The following WDFY3 variants were observed in gnomAD, a reference collection of about 807,000 sequenced individuals.
WDFY3 encodes the protein WD repeat and FYVE domain-containing protein 3.
WDFY3 carries 66 observed loss-of-function variants against 409.6 expected under a neutral mutation model. The observed-to-expected ratio is 0.16, with a 90% CI of 0.13 to 0.20. The LOEUF is 0.20. Among genes scored for constraint, WDFY3 ranks in the 10% least tolerant of loss-of-function variants. The probability of loss-of-function intolerance (pLI) is 1.00; values close to 1 mark genes in which losing one functional copy is unlikely to be tolerated. For missense variants in WDFY3, 3,031 were observed against 4,298.1 expected (o/e 0.71, Z 8.24); for synonymous variants, 1,521 against 1,537.1 (o/e 0.99, Z 0.25).
At chr4:84,681,725 C>A (rs768281138) in intron 64 of WDFY3, among the ~76,000 whole-genome samples, 1 of 151,668 alleles carries the variant, frequency 6.6e-6, no homozygotes, top group Non-Finnish European at 1.5e-5. Context: ...TTCCACTGTT[C>A]TACATCAAAG....
chr4:84,824,345 C>T (rs1754536345), intron 10 of WDFY3, among the ~76,000 whole-genome samples: 1 of 152,054 alleles, frequency 6.6e-6, no homozygotes, highest in African/African-American at 2.4e-5. Context: ...CTTACTGTGA[C>T]AAATTTATAA....
intron 3 of WDFY3, among the ~76,000 whole-genome samples, chr4:84,868,936 A>G (rs373148909): frequency 6.6e-6 from 1 of 152,194 alleles, no homozygotes. Context: ...GTTTTTATAC[A>G]TATGTTAAAA....
At chr4:84,792,001 A>T (rs1220051590) in intron 21 of WDFY3, among the ~76,000 whole-genome samples, 1 of 152,076 alleles carries the variant, frequency 6.6e-6, no homozygotes, top group East Asian at 1.9e-4. Context: ...TACTCATTTT[A>T]AAAAAAATTA....
In WDFY3 at chr4:84,925,328, T is replaced by A. The variant is rs190467609; in HGVS notation, c.-132+6942A>T. Among the ~76,000 whole-genome samples, 811 of 152,226 alleles carry A rather than the reference T, an allele frequency of 5.3e-3. 7 individuals carry two copies. The highest frequency in any genetic ancestry group is 0.018 in the African/African-American group (758 of 41,532). ...CTATCTAATGCCCTGGGAAGTTTTTTAAAAAAAATCTCATGTGGCTTGCTG... is the reference window on the plus strand; with the variant it reads ...CTATCTAATGCCCTGGGAAGTTTTTAAAAAAAAATCTCATGTGGCTTGCTG... On this transcript the variant is annotated intron_variant, in intron 2 of 67. Transcript: ENST00000295888.
At position 84,751,692 on chromosome 4, in the gene WDFY3, C is replaced by T; in HGVS notation, c.5764G>A (p.Gly1922Arg). The change falls in exon 36 of 68, where the codon GGA becomes AGA. Residue 1922 changes from glycine to arginine, a missense_variant. Coordinates refer to ENST00000295888, the MANE Select transcript of WDFY3 (RefSeq NM_014991.6). ...EMVTDLDDEV[G>R]SPAEEFKAFA... ...GCTTTAAACTCTTCTGCTGGAGATC[C>T]AACTTCATCATCAAGGTCAGTCACC... The T allele has an allele frequency of 6.2e-7, 1 of 1,614,158 alleles. No individual in the cohort carries two copies. The highest frequency in any genetic ancestry group is 8.5e-7 in the Non-Finnish European group (1 of 1,180,036).
At chr4:84,935,922 G>A (rs1160761539) in intron 1 of WDFY3, among the ~76,000 whole-genome samples, 2 of 152,032 alleles carry the variant, frequency 1.3e-5, no homozygotes, top group Admixed American at 1.3e-4. Flanking sequence ...TTTTACACAG[G>A]TCACAATTAA....
intron 14 of WDFY3, 120 bp downstream of exon 14, chr4:84,809,767 C>T (rs1030708854): frequency 1.1e-6 from 1 of 873,392 alleles, no homozygotes; most frequent in African/African-American, 1.8e-5. Context: ...ACACTTCAAA[C>T]AAATAGGAGA....
intron 2 of WDFY3, among the ~76,000 whole-genome samples, chr4:84,911,360 G>A (rs756402226): frequency 6.6e-6 from 1 of 152,112 alleles, no homozygotes; most frequent in African/African-American, 2.4e-5. Flanking sequence ...TGTGGCATAC[G>A]ACTGTAGTCC....
At chr4:84,692,864 G>A in intron 59 of WDFY3, 21 bp downstream of exon 59, 2 of 1,577,752 alleles carry the variant, frequency 1.3e-6, no homozygotes, top group Non-Finnish European at 1.7e-6. Context: ...TTAATCAAAA[G>A]TTTATTTCTC....
chr4:84,829,765 C>T (rs1755400728), intron 8 of WDFY3, among the ~76,000 whole-genome samples: 1 of 150,352 alleles, frequency 6.7e-6, no homozygotes, highest in Non-Finnish European at 1.5e-5. Flanking sequence ...CAAGATCACG[C>T]CACTGCACTG....
At chr4:84,841,326 T>TA in intron 5 of WDFY3, 63 bp from the exon 6 acceptor site, 1 of 1,386,482 alleles carries the variant, frequency 7.2e-7, no homozygotes, top group South Asian at 1.3e-5. Flanking sequence ...GGTTCTTCTT[T>TA]AAAACCTACC....
intron 40 of WDFY3, 29 bp from the exon 41 acceptor site, chr4:84,737,395 AAAGT>A (rs1479250014): frequency 4.6e-6 from 7 of 1,522,168 alleles, no homozygotes; most frequent in Non-Finnish European, 6.2e-6. Flanking sequence ...AACAAACAAA[AAAGT>A]AAGCAAATGA....
At chr4:84,949,593 ATTC>A (rs1773340583) in intron 1 of WDFY3, among the ~76,000 whole-genome samples, 1 of 152,184 alleles carries the variant, frequency 6.6e-6, no homozygotes, top group Non-Finnish European at 1.5e-5. Flanking sequence ...ACAATGCTGA[ATTC>A]TTCTCTATGA....
intron 34 of WDFY3, among the ~76,000 whole-genome samples, chr4:84,754,317 T>C (rs576444625): frequency 1.3e-5 from 2 of 152,312 alleles, no homozygotes; most frequent in East Asian, 3.9e-4. Flanking sequence ...ACAATGATGA[T>C]GATAAAAAAA....
At chr4:84,703,054 G>C (rs535357406) in intron 55 of WDFY3, among the ~76,000 whole-genome samples, 256 of 151,352 alleles carry the variant, frequency 1.7e-3, no homozygotes, top group Non-Finnish European at 3.3e-3. Flanking sequence ...CCGAGATCGT[G>C]CCACTGCACT....
rs575418742 is a variant in WDFY3, at chr4:84,865,486, G to A, written c.-31-4864C>T. On this transcript the variant is annotated intron_variant, in intron 3 of 67. Coordinates refer to ENST00000295888, the MANE Select transcript of WDFY3 (RefSeq NM_014991.6). ...TCCCATCCTAATATCTGATTGGGTGGCCAAATCTCCCGCCATCCTCCAGGT... is the reference window on the plus strand; with the variant it reads ...TCCCATCCTAATATCTGATTGGGTGACCAAATCTCCCGCCATCCTCCAGGT... Among the ~76,000 whole-genome samples, 3 of 152,186 alleles carry A rather than the reference G, an allele frequency of 2.0e-5. No individual in the cohort carries two copies. The South Asian group carries it at 6.2e-4, about 32-fold the overall frequency.
At chr4:84,865,896 C>T (rs1219574076) in intron 3 of WDFY3, among the ~76,000 whole-genome samples, 2 of 152,052 alleles carry the variant, frequency 1.3e-5, no homozygotes, top group African/African-American at 4.8e-5. Flanking sequence ...ATGACAAAAC[C>T]CCATCTCTAC....
intron 67 of WDFY3, among the ~76,000 whole-genome samples, chr4:84,675,804 G>A (rs944080447): frequency 6.6e-6 from 1 of 152,140 alleles, no homozygotes; most frequent in Non-Finnish European, 1.5e-5. Flanking sequence ...AAAAAGTAAC[G>A]ACTGTGGATG....
intron 2 of WDFY3, among the ~76,000 whole-genome samples, chr4:84,904,263 G>A (rs961056171): frequency 4.6e-5 from 7 of 151,954 alleles, no homozygotes; most frequent in African/African-American, 9.7e-5. Context: ...TATTTGAGAC[G>A]GAGTTTCGCT....
Sources: gnomAD v4.1 joint callset for allele counts (sites outside exome capture counted in the v4.1 genomes callset) on GRCh38, gnomAD v4.1.1 for gene constraint, MANE v1.5 for transcripts, NCBI Gene and HGNC (gene_info 2026-07-23, HGNC 2026-07-21) for gene names.